KSR1: variants seen among roughly 807,000 people sequenced by gnomAD.
KSR1 encodes kinase suppressor of ras 1, also known as kinase suppressor of ras.
KSR1 carries 35 observed loss-of-function variants against 92.9 expected under a neutral mutation model. The ratio of observed to expected loss-of-function variants is 0.38; its 90% CI spans 0.29 to 0.50. The LOEUF (loss-of-function observed/expected upper bound fraction) is 0.50, where lower values mean the gene tolerates loss of function less well. Among genes scored for constraint, KSR1 ranks in the 20% least tolerant of loss-of-function variants. The pLI, the probability that KSR1 is intolerant of heterozygous loss-of-function variation, is 0.94. For synonymous variants in KSR1, 467 were observed against 472.6 expected (o/e 0.99, Z 0.15); for missense variants, 972 against 1,158.5 (o/e 0.84, Z 2.34).
chr17:27,462,868 T>A (rs143805481), intron 1 of KSR1, among the ~76,000 whole-genome samples: 2 of 152,360 alleles, frequency 1.3e-5, no homozygotes, highest in African/African-American at 4.8e-5. Context: ...GCACATACCA[T>A]GTGCATTGCC....
rs2019184202 is a variant in KSR1 at position 27,456,758 on chromosome 17, C to G, written c.115C>G (p.Gln39Glu). 1.3e-6 allele frequency: 2 copies of G among 1,543,954 alleles called. No individual in the cohort carries two copies. Among genetic ancestry groups the G allele is most frequent in the Middle Eastern group, 2.3e-4 (1 of 4,336 alleles). ...AGGGGCCGCGGCCAGCCGGGCGCTG[C>G]AGCAGTGCGGGCAGCTCCAGAAGCT... ...GAGAAASRAL[Q>E]QCGQLQKLID... Residue 39 changes from glutamine (Q) to glutamate (E), a missense_variant, in exon 1 of 21, where the codon CAG (glutamine) becomes GAG (glutamate). Around this residue, in one of 5 missense-constraint regions of KSR1, gnomAD observed 19 missense variants for 60.3 expected, o/e 0.32. Transcript: ENST00000644974.
chr17:27,565,233 A>G (rs935880770), intron 2 of KSR1, among the ~76,000 whole-genome samples: 1 of 152,132 alleles, frequency 6.6e-6, no homozygotes, highest in African/African-American at 2.4e-5. Context: ...CAACTTTGCT[A>G]GGCTTCTCTT....
Position 27,531,509 on chromosome 17 carries a change from C to T in KSR1, c.232-19059C>T, listed in dbSNP as rs193101772. 3.3e-5 allele frequency among the ~76,000 whole-genome samples: 5 copies of T among 152,254 alleles called. No homozygotes were observed. The East Asian group carries it at 5.8e-4, about 18-fold the overall frequency. ...TCCATTTTCTGCCTGGTCCCACACT[C>T]GGATCCGTCATGGAAGATCTGGCCC... On this transcript the variant is annotated intron_variant, in intron 1 of 20. Transcript: ENST00000644974.
At chr17:27,560,295 C>T (rs1042663733) in intron 2 of KSR1, 26 of 390,138 alleles carry the variant, frequency 6.7e-5, no homozygotes, top group Admixed American at 5.5e-4. Context: ...AGCAATTTCC[C>T]GGTTGGAAGT....
At chr17:27,512,788 TC>T (rs757655782) in intron 1 of KSR1, among the ~76,000 whole-genome samples, 36 of 152,312 alleles carry the variant, frequency 2.4e-4, no homozygotes, top group African/African-American at 8.4e-4. Context: ...TAGACATCAT[TC>T]CTTTTCATTT....
intron 5 of KSR1, chr17:27,588,121 G>C (rs2073035087): frequency 6.0e-6 from 1 of 166,212 alleles, no homozygotes; most frequent in South Asian, 1.9e-4. Flanking sequence ...TGGTGTGTCG[G>C]TGAGAGGTTG....
intron 1 of KSR1, chr17:27,526,401 A>G (rs1231660215): frequency 2.0e-6 from 3 of 1,512,342 alleles, no homozygotes; most frequent in Middle Eastern, 2.2e-4. Context: ...GTGAATTGGG[A>G]AAGGGCCGGT....
intron 1 of KSR1, among the ~76,000 whole-genome samples, chr17:27,507,711 G>A (rs1365812481): frequency 6.6e-6 from 1 of 151,238 alleles, no homozygotes; most frequent in Non-Finnish European, 1.5e-5. Flanking sequence ...CCAGTAGCTG[G>A]GATTACAGGC....
chr17:27,591,998 A>G (rs549359102), intron 7 of KSR1, among the ~76,000 whole-genome samples: 5 of 152,244 alleles, frequency 3.3e-5, no homozygotes, highest in African/African-American at 1.2e-4. Flanking sequence ...TTATCTGTCT[A>G]ATTCTTTTTT....
chr17:27,477,113 G>A (rs1056312087), intron 1 of KSR1, among the ~76,000 whole-genome samples: 16 of 152,172 alleles, frequency 1.1e-4, no homozygotes, highest in African/African-American at 3.4e-4. Context: ...GTGTCATGGC[G>A]CTGGTGGGAG....
chr17:27,474,500 T>G (rs2150928889), intron 1 of KSR1, among the ~76,000 whole-genome samples: 1 of 152,332 alleles, frequency 6.6e-6, no homozygotes, highest in South Asian at 2.1e-4. Flanking sequence ...TAGCTGTGTG[T>G]CTTTGGGCAA....
chr17:27,519,541 G>A (rs2069937777), intron 1 of KSR1, among the ~76,000 whole-genome samples: 1 of 152,166 alleles, frequency 6.6e-6, no homozygotes, highest in Non-Finnish European at 1.5e-5. Flanking sequence ...CCAAGAATGG[G>A]CAGCCTGAGT....
rs748540540 is a variant in KSR1 at position 27,597,356 on chromosome 17, C to T, written c.1388C>T (p.Pro463Leu). The part of the protein sequence containing the change: ...SSTPSSPAPF[P>L]TSSNPSSATT... ...ACACCCTCCTCACCGGCGCCCTTCC[C>T]GACATCATCCAACCCATCCAGCGCC... Residue 463 changes from proline to leucine, a missense_variant, in exon 10 of 21, where the codon CCG becomes CTG. Transcript: ENST00000644974. The T allele has an allele frequency of 2.3e-5, 37 of 1,613,762 alleles. No homozygotes were observed. Among genetic ancestry groups the T allele is most frequent in the East Asian group, 6.7e-5 (3 of 44,882 alleles).
At chr17:27,469,512 G>C (rs2019866645) in intron 1 of KSR1, among the ~76,000 whole-genome samples, 1 of 152,122 alleles carries the variant, frequency 6.6e-6, no homozygotes, top group South Asian at 2.1e-4. Context: ...TGACATATTC[G>C]TATTCTGACT....
intron 1 of KSR1, among the ~76,000 whole-genome samples, chr17:27,488,118 C>G (rs1039426838): frequency 8.5e-5 from 13 of 152,076 alleles, no homozygotes; most frequent in Middle Eastern, 3.2e-3. Context: ...GCATGTGCAC[C>G]CATAAATGTG....
At chr17:27,580,353 C>T (rs1412008673) in intron 3 of KSR1, among the ~76,000 whole-genome samples, 2 of 152,114 alleles carry the variant, frequency 1.3e-5, no homozygotes, top group South Asian at 2.1e-4. Flanking sequence ...CCTGTCTAGT[C>T]GGTTCCTGAA....
intron 11 of KSR1, among the ~76,000 whole-genome samples, chr17:27,603,307 T>A (rs1307940372): frequency 1.3e-5 from 2 of 152,360 alleles, no homozygotes; most frequent in African/African-American, 4.8e-5. Flanking sequence ...TCGGGGCCTC[T>A]GTGCTGGAAA....
chr17:27,546,012 C>T (rs888441784), intron 1 of KSR1, among the ~76,000 whole-genome samples: 1 of 152,220 alleles, frequency 6.6e-6, no homozygotes, highest in African/African-American at 2.4e-5. Context: ...CTTTTAGTGC[C>T]AGCAGCCTGA....
At chr17:27,514,440 C>T (rs543980830) in intron 1 of KSR1, among the ~76,000 whole-genome samples, 52 of 152,240 alleles carry the variant, frequency 3.4e-4, no homozygotes, top group African/African-American at 1.2e-3. Flanking sequence ...AGGTGGATCA[C>T]CTGAAGTCAG....
Sources: allele counts gnomAD v4.1 joint callset (sites outside exome capture counted in the v4.1 genomes callset), GRCh38; gene constraint gnomAD v4.1.1; regional missense constraint gnomAD v4.1.1; transcripts MANE v1.5; gene names NCBI Gene and HGNC (gene_info 2026-07-23, HGNC 2026-07-21).